Variants in ORC3 observed in about 807,000 individuals in gnomAD.
ORC3 encodes the protein origin recognition complex subunit 3, also known as homolog of latheo, Drosophila.
Under a neutral mutation model 100.7 loss-of-function variants are expected in ORC3, and 78 were observed. The observed-to-expected ratio is 0.77, with a 90% CI of 0.65 to 0.94. ORC3 has a LOEUF of 0.94. Ranked by LOEUF, ORC3 falls within the 40% of genes least tolerant of loss-of-function variation. The pLI is 0.00. For synonymous variants in ORC3, 295 were observed against 289.3 expected (o/e 1.02, Z -0.20); for missense variants, 789 against 823.9 (o/e 0.96, Z 0.52).
intron 4 of ORC3, among the ~76,000 whole-genome samples, chr6:87,603,817 T>C (rs1316259611): frequency 6.6e-6 from 1 of 152,236 alleles, no homozygotes; most frequent in Non-Finnish European, 1.5e-5. Context: ...TCTTTCTTTG[T>C]AGATACATTA....
downstream of ORC3, among the ~76,000 whole-genome samples, chr6:87,671,210 C>T (rs1770823293): frequency 6.6e-6 from 1 of 151,904 alleles, no homozygotes; most frequent in African/African-American, 2.4e-5. Flanking sequence ...TGAGAGGAGA[C>T]AAAATGAGGC....
At chr6:87,598,886 T>C (rs1402029572) in intron 2 of ORC3, among the ~76,000 whole-genome samples, 1 of 152,166 alleles carries the variant, frequency 6.6e-6, no homozygotes, top group Non-Finnish European at 1.5e-5. Context: ...CTGAAGACAC[T>C]TGGGCACGTA....
intron 13 of ORC3, among the ~76,000 whole-genome samples, chr6:87,637,115 T>A (rs974693194): frequency 3.9e-5 from 6 of 152,208 alleles, no homozygotes; most frequent in African/African-American, 1.4e-4. Context: ...TGGATAGTTA[T>A]AAGGGGAAAT....
chr6:87,599,966 C>G (rs1444108999), intron 2 of ORC3, among the ~76,000 whole-genome samples: 1 of 152,132 alleles, frequency 6.6e-6, no homozygotes, highest in Admixed American at 6.6e-5. Context: ...GAGCGAGACC[C>G]TGTCTCAAAT....
At chr6:87,626,947 A>G (rs1007958585) in intron 11 of ORC3, among the ~76,000 whole-genome samples, 2 of 152,080 alleles carry the variant, frequency 1.3e-5, no homozygotes, top group Non-Finnish European at 2.9e-5. Context: ...TTTTTCACTC[A>G]TAAAAATTAA....
intron 16 of ORC3, among the ~76,000 whole-genome samples, chr6:87,659,826 G>C (rs990626133): frequency 2.0e-5 from 3 of 151,730 alleles, no homozygotes; most frequent in Non-Finnish European, 2.9e-5. Context: ...AGGTTGCAGT[G>C]AGCTGAGATC....
At position 87,636,457 on chromosome 6, in the gene ORC3, G is replaced by A; in HGVS notation, c.1353G>A (p.Glu451=). ...TCLEKNIWDS[E]EYASVLQLLR... ...TAGAAAAGAACATATGGGATTCAGA[G>A]GAGTATGCATCAGTCTTGCAGCTGC... Residue 451 remains glutamate (E), a synonymous_variant, in exon 13 of 20, where the codon GAG becomes GAA. Coordinates refer to ENST00000392844, the MANE Select transcript of ORC3 (RefSeq NM_012381.4). 6.2e-7 allele frequency: 1 copy of A among 1,611,884 alleles called. No individual in the cohort carries two copies. The highest frequency in any genetic ancestry group is 1.1e-5 in the South Asian group (1 of 91,016).
chr6:87,630,481 C>G (rs544529924), intron 11 of ORC3, among the ~76,000 whole-genome samples: 5 of 152,322 alleles, frequency 3.3e-5, no homozygotes, highest in African/African-American at 1.2e-4. Context: ...CAATATTTTT[C>G]TAGTGCCTAT....
At chr6:87,634,126 G>A (rs13220363) in intron 11 of ORC3, among the ~76,000 whole-genome samples, 60,576 of 151,922 alleles carry the variant, frequency 0.4, 12,200 homozygotes, top group Admixed American at 0.48. Flanking sequence ...GATTACAGGC[G>A]TGAGCCACTA....
At chr6:87,673,883 A>G in the ORC3 span, among the ~76,000 whole-genome samples, 1 of 151,788 alleles carries the variant, frequency 6.6e-6, no homozygotes, top group African/African-American at 2.4e-5. Context: ...CATGCACCTT[A>G]TTGCTACCCT....
At chr6:87,592,038 A>G (rs1175489129) in intron 1 of ORC3, among the ~76,000 whole-genome samples, 3 of 152,082 alleles carry the variant, frequency 2.0e-5, no homozygotes, top group Non-Finnish European at 4.4e-5. Flanking sequence ...GTCCTTAAAC[A>G]TATCAAAACA....
At chr6:87,623,894 C>A (rs1344507075) in intron 11 of ORC3, among the ~76,000 whole-genome samples, 5 of 151,432 alleles carry the variant, frequency 3.3e-5, no homozygotes, top group Non-Finnish European at 7.4e-5. Flanking sequence ...TAAAAAAAAA[C>A]AAAACAAAAC....
rs150252172 is a variant in ORC3, at chr6:87,603,514, C to G, written c.308C>G (p.Ala103Gly). 6.6e-7 allele frequency: 1 copy of G among 1,517,902 alleles called. No individual in the cohort carries two copies. Among genetic ancestry groups the G allele is most frequent in the South Asian group, 1.3e-5 (1 of 76,512 alleles). 94.0% of individuals were successfully genotyped at this position (1,517,902 alleles called of 1,614,324 possible). ...GQIKLREIPT[A>G]ALVLGVNVTD... The stretch of plus-strand genomic sequence containing the variant: ...ATAAAACTCAGAGAAATTCCAACTG[C>G]TGCTCTTGTTCTTGGTATATATGCG... Residue 103 changes from alanine (A) to glycine (G), a missense_variant, in exon 4 of 20, where the codon GCT becomes GGT. This residue lies in a region of ORC3 where 399 missense variants were observed against 382.0 expected (regional missense o/e 1.04). Transcript: ENST00000392844.
chr6:87,659,414 T>C (rs1770009518), intron 16 of ORC3, among the ~76,000 whole-genome samples: 1 of 152,104 alleles, frequency 6.6e-6, no homozygotes, highest in South Asian at 2.1e-4. Context: ...GGCTAGGCAC[T>C]GAATAAAGTA....
chr6:87,594,210 G>C (rs1376056140), intron 1 of ORC3, 143 bp from the exon 2 acceptor site: 7 of 561,092 alleles, frequency 1.2e-5, no homozygotes, highest in African/African-American at 5.5e-5. Context: ...GAAGTGATGT[G>C]ATTTCTTAGA....
intron 17 of ORC3, 119 bp downstream of exon 17, chr6:87,663,263 C>A: frequency 1.5e-6 from 1 of 686,316 alleles, no homozygotes; most frequent in Non-Finnish European, 2.3e-6. Context: ...TTCAGGGTTG[C>A]ACGTCTCATA....
At chr6:87,668,224 G>GA (rs2086849861), downstream of ORC3, among the ~76,000 whole-genome samples, 1 of 152,148 alleles carries the variant, frequency 6.6e-6, no homozygotes. Context: ...GATATGGGGG[G>GA]AAAGTCCATG....
chr6:87,652,102 G>T (rs181425129), intron 13 of ORC3, among the ~76,000 whole-genome samples: 89 of 152,066 alleles, frequency 5.9e-4, no homozygotes, highest in Non-Finnish European at 1.1e-3. Context: ...GTTTCACCGT[G>T]GTAGCCAGGA....
At chr6:87,594,487 T>C in intron 2 of ORC3, 80 bp downstream of exon 2, 1 of 1,426,292 alleles carries the variant, frequency 7.0e-7, no homozygotes. Flanking sequence ...ATTTAGTAAT[T>C]CTCTTGTCTA....
Sources: gnomAD v4.1 joint callset for allele counts (sites outside exome capture counted in the v4.1 genomes callset) on GRCh38, gnomAD v4.1.1 for gene constraint, gnomAD v4.1.1 regional missense constraint, MANE v1.5 for transcripts, NCBI Gene and HGNC (gene_info 2026-07-23, HGNC 2026-07-21) for gene names.